The following PIK3C2G variants were observed in gnomAD, a reference collection of about 807,000 sequenced individuals.
PIK3C2G encodes the protein phosphatidylinositol-4-phosphate 3-kinase catalytic subunit type 2 gamma, also known as phosphatidylinositol 3-kinase C2 domain-containing subunit gamma.
Under a neutral mutation model 181.1 loss-of-function variants are expected in PIK3C2G, and 168 were observed. That is an observed-to-expected ratio of 0.93 (90% CI 0.82 to 1.05). PIK3C2G has a LOEUF of 1.05. PIK3C2G is among the 50% of genes least tolerant of loss of function. PIK3C2G has a pLI of 0.00. For missense variants in PIK3C2G, 1,869 were observed against 1,732.8 expected (o/e 1.08, Z -1.40); for synonymous variants, 573 against 592.2 (o/e 0.97, Z 0.47).
At chr12:18,675,661 A>G in the PIK3C2G span, among the ~76,000 whole-genome samples, 1 of 152,174 alleles carries the variant, frequency 6.6e-6, no homozygotes, top group Non-Finnish European at 1.5e-5. Context: ...AATGTGATAT[A>G]TATATCTATA....
chr12:18,402,214 A>G (rs1944285810), intron 16 of PIK3C2G, among the ~76,000 whole-genome samples: 1 of 152,208 alleles, frequency 6.6e-6, no homozygotes, highest in Non-Finnish European at 1.5e-5. Flanking sequence ...GAATACTGAT[A>G]TATGCTACAA....
At chr12:18,276,893 T>C (rs879291717) in intron 1 of PIK3C2G, among the ~76,000 whole-genome samples, 15 of 152,334 alleles carry the variant, frequency 9.8e-5, no homozygotes, top group African/African-American at 3.6e-4. Flanking sequence ...ATTTTCCATA[T>C]GCAAGAATCT....
At chr12:18,456,751 C>T (rs1002865167) in intron 18 of PIK3C2G, among the ~76,000 whole-genome samples, 2 of 152,114 alleles carry the variant, frequency 1.3e-5, no homozygotes, top group African/African-American at 4.8e-5. Flanking sequence ...GCTTGCTTAT[C>T]TATGTCTGCA....
chr12:18,624,989 A>G (rs1949029754), intron 31 of PIK3C2G, among the ~76,000 whole-genome samples: 2 of 151,324 alleles, frequency 1.3e-5, no homozygotes, highest in African/African-American at 4.8e-5. Flanking sequence ...CCAAACTCTG[A>G]GTTTTGTTGA....
At chr12:18,371,439 A>G in intron 13 of PIK3C2G, 128 bp downstream of exon 13, 1 of 746,042 alleles carries the variant, frequency 1.3e-6, no homozygotes, top group Non-Finnish European at 2.0e-6. Flanking sequence ...ATAGTTCAAT[A>G]TAAATCGTGA....
chr12:18,656,240 G>A, the PIK3C2G span, among the ~76,000 whole-genome samples: 2 of 151,992 alleles, frequency 1.3e-5, no homozygotes, highest in African/African-American at 4.8e-5. Flanking sequence ...ACCAACCTGG[G>A]CAACATAGCA....
the PIK3C2G span, among the ~76,000 whole-genome samples, chr12:18,711,529 T>TATA: frequency 0.27 from 38,670 of 142,268 alleles, 5,619 homozygotes; most frequent in East Asian, 0.38. Context: ...AAACTTAAAG[T>TATA]ATAATAATAA....
At chr12:18,357,369 T>C (rs1940838801) in intron 11 of PIK3C2G, among the ~76,000 whole-genome samples, 1 of 152,100 alleles carries the variant, frequency 6.6e-6, no homozygotes, top group South Asian at 2.1e-4. Flanking sequence ...ACATTTAAGT[T>C]AAAAATATTC....
At chr12:18,379,683 G>A (rs1942701921) in intron 13 of PIK3C2G, among the ~76,000 whole-genome samples, 1 of 152,184 alleles carries the variant, frequency 6.6e-6, no homozygotes, top group Non-Finnish European at 1.5e-5. Flanking sequence ...ACGGATGCTT[G>A]TTACAGCTGA....
At chr12:18,703,625 A>G in the PIK3C2G span, among the ~76,000 whole-genome samples, 1 of 152,208 alleles carries the variant, frequency 6.6e-6, no homozygotes. Flanking sequence ...CTTAGAGTGT[A>G]ATCAACCGTA....
At chr12:18,327,121 T>C (rs567286361) in intron 8 of PIK3C2G, among the ~76,000 whole-genome samples, 1 of 152,200 alleles carries the variant, frequency 6.6e-6, no homozygotes, top group East Asian at 1.9e-4. Flanking sequence ...CAAACAGCAA[T>C]CATCACTCGC....
At chr12:18,307,275 T>C (rs1008609172) in intron 5 of PIK3C2G, among the ~76,000 whole-genome samples, 1 of 151,704 alleles carries the variant, frequency 6.6e-6, no homozygotes, top group African/African-American at 2.4e-5. Flanking sequence ...ATACTCATAA[T>C]AGTTCCTAAG....
At chr12:18,548,067 C>T (rs1023436309) in intron 26 of PIK3C2G, among the ~76,000 whole-genome samples, 1 of 151,952 alleles carries the variant, frequency 6.6e-6, no homozygotes, top group Non-Finnish European at 1.5e-5. Flanking sequence ...GACTGTTTAA[C>T]CCGAGTACAA....
At chr12:18,299,545 C>A (rs1285817983) in intron 5 of PIK3C2G, among the ~76,000 whole-genome samples, 3 of 151,692 alleles carry the variant, frequency 2.0e-5, no homozygotes, top group Non-Finnish European at 4.4e-5. Flanking sequence ...ATATATTTTG[C>A]CCAATTGTTG....
At chr12:18,563,694 G>A (rs1371813764) in intron 28 of PIK3C2G, among the ~76,000 whole-genome samples, 196 bp downstream of exon 28, 3 of 152,124 alleles carry the variant, frequency 2.0e-5, no homozygotes, top group Admixed American at 2.0e-4. Flanking sequence ...AACAAGATTT[G>A]CAATTTTCTT....
At chr12:18,626,343 T>A (rs1196391375) in intron 31 of PIK3C2G, among the ~76,000 whole-genome samples, 1 of 152,002 alleles carries the variant, frequency 6.6e-6, no homozygotes, top group Non-Finnish European at 1.5e-5. Context: ...TTTTTATGTC[T>A]GAATATATAT....
At chr12:18,691,736 G>A in the PIK3C2G span, among the ~76,000 whole-genome samples, 2 of 152,118 alleles carry the variant, frequency 1.3e-5, no homozygotes. Flanking sequence ...TTAATTCTTT[G>A]CCAGACCTTG....
At chr12:18,671,410 C>G in the PIK3C2G span, among the ~76,000 whole-genome samples, 3 of 151,896 alleles carry the variant, frequency 2.0e-5, no homozygotes, top group Non-Finnish European at 2.9e-5. Context: ...AGCCTGGCCC[C>G]TTTGTGTAAT....
intron 16 of PIK3C2G, among the ~76,000 whole-genome samples, chr12:18,418,158 G>A (rs1254895682): frequency 6.6e-6 from 1 of 152,092 alleles, no homozygotes; most frequent in African/African-American, 2.4e-5. Flanking sequence ...GAGGAATAAG[G>A]ACACATATGT....
Sources: allele counts gnomAD v4.1 joint callset (sites outside exome capture counted in the v4.1 genomes callset), GRCh38; gene constraint gnomAD v4.1.1; transcripts MANE v1.5; gene names NCBI Gene and HGNC (gene_info 2026-07-23, HGNC 2026-07-21).